Variants in CCM2 observed in about 807,000 individuals in gnomAD.
The protein encoded by CCM2 is cerebral cavernous malformations 2 protein.
In CCM2, 25 loss-of-function variants were observed where a neutral mutation model predicts 44.9. The observed-to-expected ratio is 0.56, with a 90% CI of 0.41 to 0.78. The LOEUF (loss-of-function observed/expected upper bound fraction) is 0.78. CCM2 is among the 30% of genes least tolerant of loss of function. The pLI is 0.00. For missense variants in CCM2, 481 were observed against 580.6 expected (o/e 0.83, Z 1.76); for synonymous variants, 219 against 241.1 (o/e 0.91, Z 0.85).
chr7:45,033,583 A>G (rs1226667977), intron 1 of CCM2, among the ~76,000 whole-genome samples: 2 of 152,152 alleles, frequency 1.3e-5, no homozygotes, highest in African/African-American at 2.4e-5. Flanking sequence ...TTTAGGAGGA[A>G]TGAGCTTTGG....
At chr7:45,068,077 T>A (rs1371031547) in intron 4 of CCM2, 3 of 368,492 alleles carry the variant, frequency 8.1e-6, no homozygotes, top group Non-Finnish European at 1.6e-5. Flanking sequence ...GCCAGGCCTT[T>A]CACTTTCCCA....
At chr7:45,066,425 G>T (rs554621873) in intron 4 of CCM2, among the ~76,000 whole-genome samples, 3 of 152,298 alleles carry the variant, frequency 2.0e-5, no homozygotes, top group East Asian at 3.9e-4. Flanking sequence ...GGGACTATGG[G>T]CATGAGCCAC....
chr7:45,038,499 C>T, intron 2 of CCM2, 73 bp downstream of exon 2: 1 of 1,504,886 alleles, frequency 6.6e-7, no homozygotes, highest in Non-Finnish European at 9.2e-7. Flanking sequence ...ACCAGACACT[C>T]TTGAGTTTAT....
intron 7 of CCM2, 191 bp downstream of exon 7, chr7:45,072,974 C>G: frequency 1.5e-6 from 1 of 668,552 alleles, no homozygotes. Context: ...ACTTCTAGAG[C>G]CCTTGCTGTC....
intron 1 of CCM2, among the ~76,000 whole-genome samples, chr7:45,011,133 G>A (rs1028951163): frequency 1.3e-5 from 2 of 152,058 alleles, no homozygotes; most frequent in African/African-American, 4.8e-5. Flanking sequence ...TCAAACTCCT[G>A]CAGTTCTCAT....
chr7:45,004,200 G>A (rs1311228510), intron 1 of CCM2, among the ~76,000 whole-genome samples: 1 of 152,046 alleles, frequency 6.6e-6, no homozygotes, highest in African/African-American at 2.4e-5. Context: ...AGGTTATAAA[G>A]TTCCCTAGAA....
intron 2 of CCM2, among the ~76,000 whole-genome samples, chr7:45,041,379 A>G (rs895640335): frequency 6.6e-6 from 1 of 152,184 alleles, no homozygotes; most frequent in Non-Finnish European, 1.5e-5. Context: ...CTTGGACACT[A>G]TATGCAATAA....
intron 1 of CCM2, among the ~76,000 whole-genome samples, chr7:45,008,039 ATT>A (rs66538861): frequency 0.13 from 15,906 of 127,122 alleles, 912 homozygotes; most frequent in Admixed American, 0.18. Context: ...GGTGGGGTAC[ATT>A]TTTTTTTTTT....
intron 1 of CCM2, among the ~76,000 whole-genome samples, chr7:45,028,013 T>C (rs1460132136): frequency 1.3e-5 from 2 of 152,122 alleles, no homozygotes; most frequent in Non-Finnish European, 2.9e-5. Flanking sequence ...TATGGAGAAG[T>C]GCCGTTCCAC....
chr7:45,069,899 T>G lies in CCM2; in HGVS notation c.683T>G (p.Phe228Cys), dbSNP rs1417211466. The change falls in exon 6 of 10, where the codon TTT becomes TGT. Residue 228 changes from phenylalanine to cysteine, a missense_variant. Coordinates refer to ENST00000258781, the MANE Select transcript of CCM2 (RefSeq NM_031443.4). ...GTTTACACGGAGTCCACCATCGACT[T>G]TCTGGACAGAGCGATATTTGATGGG... ...QVVYTESTID[F>C]LDRAIFDGAS... is the part of the protein sequence containing the mutation. 1 of 1,614,180 alleles carries G rather than the reference T, an allele frequency of 6.2e-7. No individual in the cohort carries two copies. Among genetic ancestry groups the G allele is most frequent in the Non-Finnish European group, 8.5e-7 (1 of 1,180,026 alleles).
At chr7:45,072,870 C>T (rs1164755362) in intron 7 of CCM2, 87 bp downstream of exon 7, 2 of 1,105,220 alleles carry the variant, frequency 1.8e-6, no homozygotes, top group Admixed American at 3.4e-5. Flanking sequence ...AGTCAGCTCC[C>T]CCATCTCAGC....
At chr7:45,066,688 G>A (rs1295131246) in intron 4 of CCM2, among the ~76,000 whole-genome samples, 1 of 152,060 alleles carries the variant, frequency 6.6e-6, no homozygotes, top group Non-Finnish European at 1.5e-5. Flanking sequence ...TGCCAGATGG[G>A]GCAGGGTCAC....
At chr7:45,047,613 C>A (rs1047948371) in intron 2 of CCM2, among the ~76,000 whole-genome samples, 2 of 152,202 alleles carry the variant, frequency 1.3e-5, no homozygotes, top group Non-Finnish European at 2.9e-5. Flanking sequence ...AAAAGCCGTT[C>A]CTAAAGGTTT....
At chr7:45,030,967 A>G (rs1216037447) in intron 1 of CCM2, among the ~76,000 whole-genome samples, 2 of 151,514 alleles carry the variant, frequency 1.3e-5, no homozygotes, top group Non-Finnish European at 1.5e-5. Context: ...CAGGTGATCC[A>G]CCTGCCTTAG....
At chr7:45,007,148 A>C (rs1243851918) in intron 1 of CCM2, among the ~76,000 whole-genome samples, 1 of 152,170 alleles carries the variant, frequency 6.6e-6, no homozygotes, top group Non-Finnish European at 1.5e-5. Flanking sequence ...GTGACAGGAC[A>C]ACCCTCACTG....
chr7:45,069,913 A>G lies in CCM2; in HGVS notation c.697A>G (p.Ile233Val), dbSNP rs1434660238. 1.9e-6 allele frequency: 3 copies of G among 1,613,944 alleles called. No individual in the cohort carries two copies. Among genetic ancestry groups the G allele is most frequent in the African/African-American group, 2.7e-5 (2 of 74,888 alleles). Residue 233 changes from isoleucine to valine, a missense_variant, in exon 6 of 10, where the codon ATA (isoleucine) becomes GTA (valine). Physicochemically the swap from Ile to Val is conservative, Grantham distance 29. Transcript: ENST00000258781. ...CACCATCGACTTTCTGGACAGAGCG[A>G]TATTTGATGGGGCCTCTACCCCGAC... ...ESTIDFLDRA[I>V]FDGASTPTHH...
At chr7:45,060,291 G>A (rs1462575184) in intron 2 of CCM2, among the ~76,000 whole-genome samples, 2 of 152,128 alleles carry the variant, frequency 1.3e-5, no homozygotes, top group Non-Finnish European at 2.9e-5. Flanking sequence ...TGTCATTCTT[G>A]TTCTTGCCAT....
intron 1 of CCM2, among the ~76,000 whole-genome samples, chr7:45,024,435 CTTGCTGAACACTG>C (rs71790872): frequency 0.059 from 9,043 of 152,248 alleles, 346 homozygotes; most frequent in African/African-American, 0.1. Flanking sequence ...CCTTTGTTTG[CTTGCTGAACACTG>C]TCATTGTCAC....
chr7:45,016,192 G>A (rs1410308269), intron 1 of CCM2, among the ~76,000 whole-genome samples: 2 of 152,214 alleles, frequency 1.3e-5, no homozygotes, highest in African/African-American at 4.8e-5. Flanking sequence ...CAGAGGAGGA[G>A]GGGTTGGAAC....
Sources: allele counts gnomAD v4.1 joint callset (sites outside exome capture counted in the v4.1 genomes callset), GRCh38; gene constraint gnomAD v4.1.1; transcripts MANE v1.5; gene names NCBI Gene and HGNC (gene_info 2026-07-23, HGNC 2026-07-21).